ERC2: variants seen among roughly 807,000 people sequenced by gnomAD.
ERC2 encodes ELKS/RAB6-interacting/CAST family member 2.
In ERC2, 42 loss-of-function variants were observed where a neutral mutation model predicts 114.8. The ratio of observed to expected loss-of-function variants is 0.37; its 90% CI spans 0.29 to 0.47. The LOEUF (loss-of-function observed/expected upper bound fraction) is 0.47. Ranked by LOEUF, ERC2 falls within the 20% of genes least tolerant of loss-of-function variation. The pLI is 0.99. For missense variants in ERC2, 939 were observed against 1,150.7 expected (o/e 0.82, Z 2.66); for synonymous variants, 454 against 425.5 (o/e 1.07, Z -0.82).
intron 2 of ERC2, among the ~76,000 whole-genome samples, chr3:56,380,270 C>A (rs569677972): frequency 2.2e-4 from 34 of 152,154 alleles, no homozygotes; most frequent in African/African-American, 7.0e-4. Flanking sequence ...GACCTGAGGT[C>A]CTGTCGCTAA....
At chr3:55,543,788 G>A (rs769887988) in intron 17 of ERC2, among the ~76,000 whole-genome samples, 1 of 152,000 alleles carries the variant, frequency 6.6e-6, no homozygotes, top group Admixed American at 6.6e-5. Context: ...TTCTCTCTAC[G>A]TCCCTCTTCT....
intron 12 of ERC2, among the ~76,000 whole-genome samples, chr3:55,968,921 C>A (rs1020189949): frequency 6.6e-6 from 1 of 151,908 alleles, no homozygotes; most frequent in Non-Finnish European, 1.5e-5. Context: ...AAAAACATGC[C>A]CATTCCCCTT....
chr3:56,371,555 C>T (rs2059363711), intron 2 of ERC2, among the ~76,000 whole-genome samples: 1 of 152,230 alleles, frequency 6.6e-6, no homozygotes, highest in South Asian at 2.1e-4. Context: ...CCACACTACA[C>T]CCAACCACAT....
intron 14 of ERC2, among the ~76,000 whole-genome samples, chr3:55,828,222 C>G (rs1271811065): frequency 6.6e-6 from 1 of 152,208 alleles, no homozygotes; most frequent in Non-Finnish European, 1.5e-5. Flanking sequence ...CACCACAGAC[C>G]AGCTCTCTTA....
chr3:56,054,970 T>C (rs1037615321), intron 7 of ERC2, among the ~76,000 whole-genome samples: 5 of 152,230 alleles, frequency 3.3e-5, no homozygotes, highest in African/African-American at 1.2e-4. Context: ...ACAGCCCTCA[T>C]GGCAGTGCGA....
chr3:56,020,164 A>G (rs889092314), intron 7 of ERC2, among the ~76,000 whole-genome samples: 12 of 152,188 alleles, frequency 7.9e-5, no homozygotes, highest in Admixed American at 2.0e-4. Context: ...GGATGCAAAG[A>G]CAATGGCTCT....
At position 55,950,608 on chromosome 3, in the gene ERC2, A is replaced by G. The variant is rs2149444268; in HGVS notation, c.2268-48T>C. 1.9e-6 allele frequency: 3 copies of G among 1,606,076 alleles called. No homozygotes were observed. The South Asian group carries it at 3.3e-5, about 18-fold the overall frequency. ...GGTTAAATTCTACCACTGGAAGATC[A>G]TATGTTATCACAAATAGATTCAGGA... On this transcript the variant is annotated intron_variant, in intron 12 of 17. Transcript: ENST00000288221.
At position 56,048,759 on chromosome 3, in the gene ERC2, C is replaced by A. The variant is rs118157922; in HGVS notation, c.1642-29728G>T. ...GTGAAGAAGCCAGACTCGGTCCCTGCCTCTGTAGAGCTTGTGTACAACGGG... is the reference window on the plus strand; with the variant it reads ...GTGAAGAAGCCAGACTCGGTCCCTGACTCTGTAGAGCTTGTGTACAACGGG... On this transcript the variant is annotated intron_variant, in intron 7 of 17. Coordinates refer to ENST00000288221, the MANE Select transcript of ERC2 (RefSeq NM_015576.3). Among the ~76,000 whole-genome samples the A allele has an allele frequency of 7.3e-4, 111 of 152,284 alleles. No homozygotes were observed. In the East Asian group the frequency reaches 0.019, roughly 26 times the overall value.
At chr3:55,925,277 G>T (rs1161199110) in intron 13 of ERC2, among the ~76,000 whole-genome samples, 1 of 152,120 alleles carries the variant, frequency 6.6e-6, no homozygotes, top group Non-Finnish European at 1.5e-5. Context: ...CAATGGCAGG[G>T]TTATTGAACA....
At chr3:56,415,036 G>T (rs2061095611) in intron 2 of ERC2, among the ~76,000 whole-genome samples, 1 of 152,178 alleles carries the variant, frequency 6.6e-6, no homozygotes, top group Admixed American at 6.5e-5. Flanking sequence ...GGTATTCAGG[G>T]AAATGAAGAA....
At chr3:55,596,294 C>A (rs1250906069) in intron 17 of ERC2, among the ~76,000 whole-genome samples, 1 of 152,202 alleles carries the variant, frequency 6.6e-6, no homozygotes, top group East Asian at 1.9e-4. Context: ...CATTAAAAGA[C>A]AGAGATGCTG....
At chr3:55,707,679 C>T (rs6785156) in intron 15 of ERC2, among the ~76,000 whole-genome samples, 3,825 of 152,310 alleles carry the variant, frequency 0.025, 140 homozygotes, top group African/African-American at 0.087. Context: ...CCAATGCCTG[C>T]TTGGCCCTTG....
At chr3:56,171,988 A>C (rs1445369600) in intron 4 of ERC2, among the ~76,000 whole-genome samples, 4 of 149,984 alleles carry the variant, frequency 2.7e-5, no homozygotes, top group Non-Finnish European at 5.9e-5. Flanking sequence ...CAAAAAACAA[A>C]AAAAAAAACA....
At position 56,415,908 on chromosome 3, in the gene ERC2, A is replaced by C. The variant is rs535673738; in HGVS notation, c.657+18443T>G. Among the ~76,000 whole-genome samples the C allele has an allele frequency of 2.6e-5, 4 of 152,316 alleles. No individual in the cohort carries two copies. The East Asian group carries it at 7.7e-4, about 29-fold the overall frequency. On this transcript the variant is annotated intron_variant, in intron 2 of 17. Coordinates refer to ENST00000288221, the MANE Select transcript of ERC2 (RefSeq NM_015576.3). ...ACTACATCTGCCTCACCCTGGCCCC[A>C]TGCCCTCATCAAATCGCACTCATGA...
chr3:55,701,537 A>C (rs2063224695), intron 15 of ERC2, among the ~76,000 whole-genome samples: 1 of 152,198 alleles, frequency 6.6e-6, no homozygotes, highest in Non-Finnish European at 1.5e-5. Context: ...AAAGGCCCCA[A>C]AGTGAATGTT....
chr3:55,833,364 G>C (rs1345115416), intron 14 of ERC2, among the ~76,000 whole-genome samples: 2 of 151,106 alleles, frequency 1.3e-5, no homozygotes, highest in Non-Finnish European at 2.9e-5. Flanking sequence ...AGAGAGAAAG[G>C]TCGGGTTACC....
At chr3:56,236,088 A>T (rs903787597) in intron 3 of ERC2, among the ~76,000 whole-genome samples, 1 of 152,206 alleles carries the variant, frequency 6.6e-6, no homozygotes, top group African/African-American at 2.4e-5. Context: ...GTTGGGGAAA[A>T]AGTTATTCAG....
In ERC2 at chr3:56,396,384, A is replaced by T. The variant is rs1397610779; in HGVS notation, c.657+37967T>A. Among the ~76,000 whole-genome samples the T allele has an allele frequency of 3.3e-5, 5 of 152,230 alleles. No homozygotes were observed. The East Asian group carries it at 7.7e-4, about 23-fold the overall frequency. On this transcript the variant is annotated intron_variant, in intron 2 of 17. Coordinates refer to ENST00000288221, the MANE Select transcript of ERC2 (RefSeq NM_015576.3). ...GTGGAGTGGCTTGGAAGGCTGAGGC[A>T]CAAGAATCACTTGAGCCCAGGAGTT...
At chr3:55,679,475 A>T (rs2061959780) in intron 17 of ERC2, among the ~76,000 whole-genome samples, 1 of 152,202 alleles carries the variant, frequency 6.6e-6, no homozygotes, top group Admixed American at 6.5e-5. Flanking sequence ...TTCTATTGAG[A>T]TGTCTAATTA....
Sources: gnomAD v4.1 joint callset for allele counts (sites outside exome capture counted in the v4.1 genomes callset) on GRCh38, gnomAD v4.1.1 for gene constraint, MANE v1.5 for transcripts, NCBI Gene and HGNC (gene_info 2026-07-23, HGNC 2026-07-21) for gene names.